The following STYXL1 variants were observed in gnomAD, a reference collection of about 807,000 sequenced individuals.
STYXL1 encodes the protein serine/threonine/tyrosine interacting like 1, also known as serine/threonine/tyrosine-interacting-like protein 1.
A neutral mutation model predicts 36.4 loss-of-function variants in STYXL1; 32 were observed. That is an observed-to-expected ratio of 0.88 (90% CI 0.66 to 1.18). The LOEUF is 1.18. STYXL1 is among the 50% of genes most tolerant of loss of function. STYXL1 has a pLI of 0.00. For missense variants in STYXL1, 354 were observed against 394.1 expected, an observed-to-expected ratio of 0.90 and a Z score of 0.86; for synonymous variants, 133 against 144.1, an observed-to-expected ratio of 0.92 and a Z score of 0.55.
chr7:76,005,996 A>AT (rs1238769554), intron 5 of STYXL1, among the ~76,000 whole-genome samples: 2 of 151,892 alleles, frequency 1.3e-5, no homozygotes, highest in African/African-American at 4.8e-5. Context: ...ACCTCAAGTA[A>AT]TCCACCTGCC....
chr7:75,999,556 T>TGTGTGTGTGTGTGTGTG (rs56000336), intron 8 of STYXL1, among the ~76,000 whole-genome samples: 4 of 145,938 alleles, frequency 2.7e-5, no homozygotes, highest in Non-Finnish European at 3.0e-5. Context: ...TGTGTGTATA[T>TGTGTGTGTGTGTGTGTG]TTTTTTTTGA....
At chr7:76,020,051 G>C (rs1405297009) in intron 4 of STYXL1, among the ~76,000 whole-genome samples, 7 of 152,186 alleles carry the variant, frequency 4.6e-5, no homozygotes, top group African/African-American at 1.4e-4. Context: ...TGCCTTGAAT[G>C]CACAAGTTGT....
intron 1 of STYXL1, among the ~76,000 whole-genome samples, chr7:76,039,150 C>T (rs370872579): frequency 6.7e-6 from 1 of 148,750 alleles, no homozygotes; most frequent in East Asian, 2.0e-4. Flanking sequence ...GTTGGCCAGG[C>T]TGGTCTCGAA....
intron 1 of STYXL1, among the ~76,000 whole-genome samples, chr7:76,032,104 C>A (rs1289426034): frequency 6.6e-6 from 1 of 151,690 alleles, no homozygotes; most frequent in Non-Finnish European, 1.5e-5. Context: ...CCCTGTAATA[C>A]AAATTAGCTG....
chr7:76,003,142 C>T (rs1185058615), intron 7 of STYXL1, among the ~76,000 whole-genome samples: 1 of 151,578 alleles, frequency 6.6e-6, no homozygotes, highest in African/African-American at 2.4e-5. Flanking sequence ...AGTTAAGTAA[C>T]TGGTGGGCAT....
rs1403401129 is a variant in STYXL1 at position 76,010,410 on chromosome 7, G to A, written c.453+3332C>T. 1.5e-4 allele frequency among the ~76,000 whole-genome samples: 23 copies of A among 152,034 alleles called. 1 individual carries two copies. The highest frequency in any genetic ancestry group is 6.2e-4 in the South Asian group (3 of 4,812). On this transcript the variant is annotated intron_variant, in intron 5 of 8. Coordinates refer to ENST00000359697, the MANE Select transcript of STYXL1 (RefSeq NM_001317785.2). Reference sequence around the variant, plus strand: ...TCAGGCATGAGTCCCTGCCTTCTACGATTCCGGTGAAGGAATGTGGGCATG... The same window carrying A: ...TCAGGCATGAGTCCCTGCCTTCTACAATTCCGGTGAAGGAATGTGGGCATG...
chr7:76,016,369 CAT>C (rs1264759362), intron 4 of STYXL1, among the ~76,000 whole-genome samples: 1 of 148,432 alleles, frequency 6.7e-6, no homozygotes, highest in African/African-American at 2.6e-5. Context: ...TATGTGTGCA[CAT>C]ATATAGCGTA....
chr7:76,026,535 G>A (rs572532467), intron 3 of STYXL1, among the ~76,000 whole-genome samples: 1 of 152,210 alleles, frequency 6.6e-6, no homozygotes, highest in African/African-American at 2.4e-5. Context: ...TCCTGCTTCG[G>A]CCAACCAAAG....
At position 76,038,422 on chromosome 7, in the gene STYXL1, A is replaced by ATTTT. The variant is rs1554581241; in HGVS notation, c.-4-7899_-4-7896dup. Among the ~76,000 whole-genome samples the ATTTT allele has an allele frequency of 1.4e-4, 18 of 132,232 alleles. 3 individuals carry two copies. Among genetic ancestry groups the ATTTT allele is most frequent in the East Asian group, 4.2e-4 (2 of 4,712 alleles). The allele number at this position is 132,232 out of a possible 152,430, so 86.7% of individuals were successfully genotyped here. A position where few individuals can be genotyped will look rare whatever the true frequency, so the allele number is the denominator to read the frequency against. On this transcript the variant is annotated intron_variant, in intron 1 of 8. Coordinates refer to ENST00000359697, the MANE Select transcript of STYXL1 (RefSeq NM_001317785.2). ...GCTTTATGTTTGGGAATTGAATGAC[A>ATTTT]TTTTTTTTTTTTTTTTTCCTGAGAC... is the stretch of plus-strand genomic sequence containing the variant.
At chr7:76,005,475 C>T in intron 5 of STYXL1, 71 bp from the exon 6 acceptor site, 2 of 1,444,152 alleles carry the variant, frequency 1.4e-6, no homozygotes, top group Non-Finnish European at 1.9e-6. Flanking sequence ...TCTCTTGAAA[C>T]ACAGCTCAGC....
chr7:76,042,920 T>C (rs148808927), intron 1 of STYXL1, among the ~76,000 whole-genome samples: 5 of 152,198 alleles, frequency 3.3e-5, no homozygotes, highest in Non-Finnish European at 5.9e-5. Flanking sequence ...CTGAAGCTTG[T>C]GCAGGCACAG....
intron 4 of STYXL1, among the ~76,000 whole-genome samples, chr7:76,016,420 TACAC>T (rs1554573964): frequency 6.6e-6 from 1 of 150,696 alleles, no homozygotes; most frequent in Non-Finnish European, 1.5e-5. Flanking sequence ...TCTATACGTA[TACAC>T]ATATATACAT....
chr7:76,047,977 C>A lies in STYXL1; in HGVS notation c.-320G>T. ...CGGGGTTGCCAGGATGGTCCCACAG[C>A]TTTCCTTTCCGACTCCCGGAAGTGG... is the stretch of plus-strand genomic sequence containing the variant. On this transcript the variant is annotated 5_prime_UTR_variant, in exon 1 of 9. Transcript: ENST00000359697. 6.8e-7 allele frequency: 1 copy of A among 1,481,222 alleles called. No homozygotes were observed. Among genetic ancestry groups the A allele is most frequent in the Non-Finnish European group, 9.0e-7 (1 of 1,116,556 alleles). 91.8% of individuals were successfully genotyped at this position (1,481,222 alleles called of 1,614,324 possible). A position where few individuals can be genotyped will look rare whatever the true frequency, so the allele number is the denominator to read the frequency against.
intron 1 of STYXL1, among the ~76,000 whole-genome samples, chr7:76,047,387 G>C: frequency 6.6e-6 from 1 of 152,234 alleles, no homozygotes; most frequent in East Asian, 1.9e-4. Context: ...TCGTAAAGCA[G>C]AAACAGTGGG....
chr7:76,038,970 C>T (rs1796217887), intron 1 of STYXL1, among the ~76,000 whole-genome samples: 1 of 121,928 alleles, frequency 8.2e-6, no homozygotes, highest in Non-Finnish European at 1.7e-5. Context: ...TTTTTTGAGA[C>T]GGAATCTTGC....
Position 76,006,538 on chromosome 7 carries a change from C to T in STYXL1, c.454-1134G>A, listed in dbSNP as rs189155087. On this transcript the variant is annotated intron_variant, in intron 5 of 8. Transcript: ENST00000359697. ...CAGCACTTTGGGAGGCTGAGGTGGGCGGATCACGAGGTCAGGAGATCGAGA... is the reference window on the plus strand; with the variant it reads ...CAGCACTTTGGGAGGCTGAGGTGGGTGGATCACGAGGTCAGGAGATCGAGA... 4.6e-3 allele frequency among the ~76,000 whole-genome samples: 698 copies of T among 151,978 alleles called. 4 individuals carry two copies. The highest frequency in any genetic ancestry group is 8.3e-3 in the Non-Finnish European group (566 of 67,968).
intron 5 of STYXL1, among the ~76,000 whole-genome samples, chr7:76,010,266 T>C (rs573131999): frequency 6.6e-5 from 10 of 152,196 alleles, no homozygotes; most frequent in African/African-American, 1.9e-4. Flanking sequence ...TTTACTTCCT[T>C]TATTTAACTG....
At chr7:76,040,718 C>A (rs1796399005) in intron 1 of STYXL1, among the ~76,000 whole-genome samples, 1 of 151,858 alleles carries the variant, frequency 6.6e-6, no homozygotes, top group Non-Finnish European at 1.5e-5. Context: ...TACCTGTAAT[C>A]CCAGCTACTC....
intron 7 of STYXL1, among the ~76,000 whole-genome samples, chr7:76,001,660 A>T (rs558630110): frequency 6.6e-6 from 1 of 151,950 alleles, no homozygotes; most frequent in South Asian, 2.1e-4. Context: ...CGCCCAGCTA[A>T]TTTTTTGTAT....
Sources: gnomAD v4.1 joint callset for allele counts (sites outside exome capture counted in the v4.1 genomes callset) on GRCh38, gnomAD v4.1.1 for gene constraint, MANE v1.5 for transcripts, NCBI Gene and HGNC (gene_info 2026-07-23, HGNC 2026-07-21) for gene names.